The following ZNF490 variants were observed in gnomAD, a reference collection of about 807,000 sequenced individuals.
ZNF490 encodes the protein zinc finger protein 490.
In ZNF490, 11 loss-of-function variants were observed where a neutral mutation model predicts 17.7. The observed-to-expected ratio is 0.62, with a 90% CI of 0.39 to 1.03. The LOEUF (loss-of-function observed/expected upper bound fraction) is 1.03. Among genes scored for constraint, ZNF490 ranks in the 50% least tolerant of loss-of-function variants. The pLI is 0.00. For synonymous variants in ZNF490, 222 were observed against 216.1 expected (o/e 1.03, Z -0.24); for missense variants, 542 against 643.4 (o/e 0.84, Z 1.71).
At chr19:12,595,463 T>C (rs969619864) in intron 2 of ZNF490, among the ~76,000 whole-genome samples, 1 of 152,144 alleles carries the variant, frequency 6.6e-6, no homozygotes, top group African/African-American at 2.4e-5. Context: ...TGCAATTAGG[T>C]CAAAACCTAG....
chr19:12,596,745 C>T (rs2022938390), intron 2 of ZNF490, among the ~76,000 whole-genome samples: 1 of 152,118 alleles, frequency 6.6e-6, no homozygotes, highest in African/African-American at 2.4e-5. Context: ...GGCATCTGAG[C>T]AGCCACAGGA....
At position 12,603,105 on chromosome 19, in the gene ZNF490, A is replaced by C. The variant is rs149829783; in HGVS notation, c.162+6053T>G. ...CAGTTTGGTGGAAAAGAAAGTTGTGATATTGTGAAATATATAATTTGGGTT... is the reference window on the plus strand; with the variant it reads ...CAGTTTGGTGGAAAAGAAAGTTGTGCTATTGTGAAATATATAATTTGGGTT... On this transcript the variant is annotated intron_variant, in intron 2 of 4. Transcript: ENST00000311437. Among the ~76,000 whole-genome samples the C allele has an allele frequency of 1.3e-5, 2 of 152,292 alleles. 1 individual carries two copies. Among genetic ancestry groups the C allele is most frequent in the Admixed American group, 1.3e-4 (2 of 15,286 alleles).
At chr19:12,609,629 G>A (rs1411686679) in intron 1 of ZNF490, among the ~76,000 whole-genome samples, 2 of 152,142 alleles carry the variant, frequency 1.3e-5, no homozygotes, top group African/African-American at 2.4e-5. Flanking sequence ...TCCAAGTTCT[G>A]TAGGGACACT....
Position 12,580,116 on chromosome 19 carries a change from C to A in ZNF490, c.*369G>T. ...GAGCAAAATTACATCTCAACAAAAA[C>A]AAAAACAAAAAACAAACCCCACAAA... On this transcript the variant is annotated 3_prime_UTR_variant, in exon 5 of 5. Coordinates refer to ENST00000311437, the MANE Select transcript of ZNF490 (RefSeq NM_020714.3). The A allele has an allele frequency of 2.0e-6, 2 of 1,003,928 alleles. No individual in the cohort carries two copies. Among genetic ancestry groups the A allele is most frequent in the Non-Finnish European group, 2.4e-6 (2 of 842,184 alleles). The allele number at this position is 1,003,928 out of a possible 1,614,324, so 62.2% of individuals were successfully genotyped here. A position where few individuals can be genotyped will look rare whatever the true frequency, so the allele number is the denominator to read the frequency against.
chr19:12,609,032 T>G lies in ZNF490; in HGVS notation c.162+126A>C, dbSNP rs10402656. The G allele has an allele frequency of 3.8e-3, 3,027 of 792,612 alleles. 63 individuals are homozygous for G. The African/African-American group carries it at 0.047, about 12-fold the overall frequency. The allele number at this position is 792,612 out of a possible 1,614,324, so 49.1% of individuals were successfully genotyped here. ...TACCTGAGAGCCTGGTTATTGGCCT[T>G]GACTATGGGAGTGCCTTCACAAAGA... is the stretch of plus-strand genomic sequence containing the variant. On this transcript the variant is annotated intron_variant, in intron 2 of 4. Transcript: ENST00000311437.
intron 2 of ZNF490, among the ~76,000 whole-genome samples, chr19:12,605,423 A>G (rs1180231670): frequency 2.0e-5 from 3 of 151,394 alleles, no homozygotes; most frequent in Admixed American, 2.0e-4. Context: ...GAAGGCTGCA[A>G]TGAGCTATGA....
In ZNF490 at chr19:12,580,898, T is replaced by C. The variant is rs752140802; in HGVS notation, c.1177A>G (p.Lys393Glu). 5 of 1,614,236 alleles carry C rather than the reference T, an allele frequency of 3.1e-6. 1 individual carries two copies. The South Asian group carries it at 5.5e-5, about 18-fold the overall frequency. Reference protein sequence around the residue: ...THFGEKPYECKQCGKAFNSSS... With the variant: ...THFGEKPYECEQCGKAFNSSS... Reference sequence around the variant, plus strand: ...GAATTGAAGGCTTTACCACATTGTTTACATTCATAGGGTTTTTCTCCAAAA... The same window carrying C: ...GAATTGAAGGCTTTACCACATTGTTCACATTCATAGGGTTTTTCTCCAAAA... The change falls in exon 5 of 5, where the codon AAA (lysine) becomes GAA (glutamate). Residue 393 changes from lysine (K) to glutamate (E), a missense_variant. Lys to Glu is a moderately conservative substitution (Grantham distance 56, BLOSUM62 1). Transcript: ENST00000311437.
In ZNF490 at chr19:12,588,293, G is replaced by C. The variant is rs908163100; in HGVS notation, c.163-4737C>G. Among the ~76,000 whole-genome samples, 3 of 152,064 alleles carry C rather than the reference G, an allele frequency of 2.0e-5. No individual in the cohort carries two copies. In the East Asian group the frequency reaches 5.8e-4, roughly 29 times the overall value. On this transcript the variant is annotated intron_variant, in intron 2 of 4. Coordinates refer to ENST00000311437, the MANE Select transcript of ZNF490 (RefSeq NM_020714.3). ...ATTACAAGCATGAACCACCATGCCC[G>C]GCCAACACTAATTTTTTAAAAGCTG...
chr19:12,603,807 C>T (rs2023035377), intron 2 of ZNF490, among the ~76,000 whole-genome samples: 1 of 147,648 alleles, frequency 6.8e-6, no homozygotes, highest in South Asian at 2.1e-4. Context: ...AAAAAAATGG[C>T]CTTTTGTATT....
intron 4 of ZNF490, 147 bp from the exon 5 acceptor site, chr19:12,581,871 A>G (rs1206137690): frequency 1.5e-6 from 1 of 681,754 alleles, no homozygotes; most frequent in Non-Finnish European, 2.4e-6. Flanking sequence ...TAATATACTC[A>G]ATAGTCTAGA....
chr19:12,606,331 C>T (rs1225026692), intron 2 of ZNF490, among the ~76,000 whole-genome samples: 1 of 151,326 alleles, frequency 6.6e-6, no homozygotes, highest in African/African-American at 2.4e-5. Flanking sequence ...CATGCCACCA[C>T]CCTGGGTAAT....
rs937561677 is a variant in ZNF490, at chr19:12,581,073, A to G, written c.1002T>C (p.Phe334=). ...AGGCTCTCCCACATTCCCTACATAC[A>G]AAAGGTTTCTCTCCAGTATGAGTTT... ...HEKTHTGEKP[F]VCRECGRAFF... Residue 334 remains phenylalanine, a synonymous_variant, in exon 5 of 5, where the codon TTT becomes TTC. Transcript: ENST00000311437. 5 of 1,613,914 alleles carry G rather than the reference A, an allele frequency of 3.1e-6. No individual in the cohort carries two copies. Among genetic ancestry groups the G allele is most frequent in the African/African-American group, 2.7e-5 (2 of 74,888 alleles).
At chr19:12,590,245 G>A (rs1046903809) in intron 2 of ZNF490, among the ~76,000 whole-genome samples, 3 of 129,332 alleles carry the variant, frequency 2.3e-5, no homozygotes, top group Admixed American at 8.2e-5. Flanking sequence ...ATGGAGTTTC[G>A]CTCTGTTGCC....
intron 2 of ZNF490, among the ~76,000 whole-genome samples, chr19:12,583,791 C>CA (rs2022775489): frequency 1.5e-5 from 1 of 68,136 alleles, no homozygotes. Flanking sequence ...CTCTCTCTCT[C>CA]TATATATATA....
chr19:12,606,310 G>A (rs1224335968), intron 2 of ZNF490, among the ~76,000 whole-genome samples: 1 of 150,898 alleles, frequency 6.6e-6, no homozygotes, highest in Non-Finnish European at 1.5e-5. Context: ...TCTGCTATGG[G>A]ACTACAGGCA....
chr19:12,601,780 CAGG>C (rs1465035893), intron 2 of ZNF490, among the ~76,000 whole-genome samples: 2 of 151,790 alleles, frequency 1.3e-5, no homozygotes, highest in Non-Finnish European at 2.9e-5. Context: ...ATCACGAGGT[CAGG>C]AGATCGAGAC....
At chr19:12,604,896 G>GT (rs1479396216) in intron 2 of ZNF490, among the ~76,000 whole-genome samples, 1 of 151,904 alleles carries the variant, frequency 6.6e-6, no homozygotes, top group Non-Finnish European at 1.5e-5. Context: ...GTTCACACCT[G>GT]TAATGCCAGC....
chr19:12,602,127 C>CACATAT (rs35798638), intron 2 of ZNF490, among the ~76,000 whole-genome samples: 9 of 141,988 alleles, frequency 6.3e-5, no homozygotes, highest in Middle Eastern at 7.4e-3. Flanking sequence ...CACACACACA[C>CACATAT]ATATATGGGC....
At chr19:12,590,982 A>T (rs532669755) in intron 2 of ZNF490, among the ~76,000 whole-genome samples, 1 of 152,226 alleles carries the variant, frequency 6.6e-6, no homozygotes, top group East Asian at 1.9e-4. Flanking sequence ...TCAAAGATGT[A>T]ACTGTAAAAT....
Sources: gnomAD v4.1 joint callset for allele counts (sites outside exome capture counted in the v4.1 genomes callset) on GRCh38, gnomAD v4.1.1 for gene constraint, MANE v1.5 for transcripts, NCBI Gene and HGNC (gene_info 2026-07-23, HGNC 2026-07-21) for gene names.